Variants in NR2F1-AS1 observed in about 807,000 individuals in gnomAD.
NR2F1-AS1 encodes NR2F1 antisense RNA 1.
intron 1 of NR2F1-AS1, among the ~76,000 whole-genome samples, chr5:93,566,292 G>T (rs1419798601): frequency 6.6e-5 from 10 of 151,928 alleles, no homozygotes; most frequent in Admixed American, 6.6e-4. Flanking sequence ...AAAGCAAAGG[G>T]AAAGTATAAA....
At chr5:93,560,280 C>T (rs1221312740) in intron 2 of NR2F1-AS1, among the ~76,000 whole-genome samples, 1 of 152,138 alleles carries the variant, frequency 6.6e-6, no homozygotes, top group Non-Finnish European at 1.5e-5. Context: ...ATTAAGCAAG[C>T]TCATGTAAGA....
At chr5:93,534,603 CT>C (rs1561487583) in intron 4 of NR2F1-AS1, among the ~76,000 whole-genome samples, 1 of 152,108 alleles carries the variant, frequency 6.6e-6, no homozygotes, top group East Asian at 1.9e-4. Context: ...ATTTTCCTTA[CT>C]TAGTGTCCAT....
At chr5:93,578,310 T>A (rs1218677062) in intron 1 of NR2F1-AS1, among the ~76,000 whole-genome samples, 4 of 152,224 alleles carry the variant, frequency 2.6e-5, no homozygotes, top group African/African-American at 9.6e-5. Context: ...TGATTAACGC[T>A]GAGCTTGATG....
chr5:93,552,603 C>G (rs1049248468), intron 4 of NR2F1-AS1, among the ~76,000 whole-genome samples: 1 of 150,556 alleles, frequency 6.6e-6, no homozygotes, highest in Non-Finnish European at 1.5e-5. Flanking sequence ...AGCATCAGTC[C>G]TACAAATTTT....
chr5:93,549,802 A>G (rs1018866115), intron 4 of NR2F1-AS1, among the ~76,000 whole-genome samples: 1 of 152,308 alleles, frequency 6.6e-6, no homozygotes, highest in East Asian at 1.9e-4. Context: ...GGATGGGTTC[A>G]TGTCCTTTGC....
intron 4 of NR2F1-AS1, among the ~76,000 whole-genome samples, chr5:93,446,397 TAC>T (rs1749707887): frequency 6.6e-6 from 1 of 152,148 alleles, no homozygotes; most frequent in South Asian, 2.1e-4. Flanking sequence ...AGCATTCCTA[TAC>T]ACCAATAACA....
At chr5:93,563,592 C>T (rs900985231) in intron 1 of NR2F1-AS1, 15 of 152,036 alleles carry the variant, frequency 9.9e-5, no homozygotes, top group Non-Finnish European at 1.9e-4. Context: ...GAAGCTTTCC[C>T]AGACAGAAAT....
chr5:93,490,397 G>A (rs1750810001), intron 4 of NR2F1-AS1, among the ~76,000 whole-genome samples: 1 of 152,222 alleles, frequency 6.6e-6, no homozygotes, highest in Non-Finnish European at 1.5e-5. Context: ...AGAAGAAAGG[G>A]AGGTGGTAAT....
intron 4 of NR2F1-AS1, among the ~76,000 whole-genome samples, chr5:93,457,051 C>T (rs1282828496): frequency 6.6e-6 from 1 of 152,184 alleles, no homozygotes; most frequent in East Asian, 1.9e-4. Context: ...GGGTTTTACA[C>T]CCAGACATTC....
At chr5:93,457,075 C>G (rs567548530) in intron 4 of NR2F1-AS1, among the ~76,000 whole-genome samples, 11 of 152,124 alleles carry the variant, frequency 7.2e-5, no homozygotes, top group South Asian at 6.2e-4. Context: ...TGCCCAGGGA[C>G]GAGCAGGAGA....
intron 4 of NR2F1-AS1, among the ~76,000 whole-genome samples, chr5:93,434,500 A>C (rs1189485168): frequency 6.6e-6 from 1 of 151,992 alleles, no homozygotes; most frequent in Admixed American, 6.6e-5. Context: ...TTTTTCTCTA[A>C]ATTGTTTGAA....
intron 4 of NR2F1-AS1, among the ~76,000 whole-genome samples, chr5:93,504,155 C>T (rs1423635671): frequency 1.3e-5 from 2 of 152,096 alleles, no homozygotes; most frequent in Non-Finnish European, 2.9e-5. Flanking sequence ...CAAAAAATTA[C>T]AATTTGTTAT....
intron 4 of NR2F1-AS1, among the ~76,000 whole-genome samples, chr5:93,440,218 T>TCTCTCACA (rs1379862028): frequency 2.3e-4 from 35 of 149,044 alleles, no homozygotes; most frequent in African/African-American, 8.4e-4. Context: ...TCTCTCTCTC[T>TCTCTCACA]CACACACACA....
intron 4 of NR2F1-AS1, among the ~76,000 whole-genome samples, chr5:93,527,768 T>C (rs938866729): frequency 6.6e-6 from 1 of 152,174 alleles, no homozygotes; most frequent in African/African-American, 2.4e-5. Context: ...ATTTAATAAA[T>C]GGTGTTGGGA....
At chr5:93,462,085 G>A (rs1358187814) in intron 4 of NR2F1-AS1, among the ~76,000 whole-genome samples, 1 of 152,218 alleles carries the variant, frequency 6.6e-6, no homozygotes, top group African/African-American at 2.4e-5. Flanking sequence ...GTATGTATGT[G>A]TATATGTGAA....
chr5:93,455,814 A>G lies in NR2F1-AS1; in HGVS notation n.639-60272T>C, dbSNP rs181809000. On this transcript the variant is annotated intron_variant and non_coding_transcript_variant, in intron 4 of 5. Transcript: ENST00000660523. ...TTTAACTTATGAAAAAAATCAATGT[A>G]AAATTTACCATGTTAACTACACACA... is the stretch of plus-strand genomic sequence containing the variant. Among the ~76,000 whole-genome samples the G allele has an allele frequency of 1.3e-4, 20 of 151,294 alleles. No individual in the cohort carries two copies. The East Asian group carries it at 3.9e-3, about 29-fold the overall frequency.
At chr5:93,555,743 C>A (rs895251967) in intron 2 of NR2F1-AS1, among the ~76,000 whole-genome samples, 1 of 152,068 alleles carries the variant, frequency 6.6e-6, no homozygotes, top group Non-Finnish European at 1.5e-5. Flanking sequence ...AGTCTCAAAT[C>A]CAGGTACATA....
chr5:93,584,792 C>CGCA (rs1286143996), upstream of NR2F1-AS1: 1 of 153,614 alleles, frequency 6.5e-6, no homozygotes, highest in Non-Finnish European at 1.4e-5. Flanking sequence ...CGGGCGGGCG[C>CGCA]GCAGCAGCAG....
At chr5:93,570,717 T>C (rs1752736762) in intron 1 of NR2F1-AS1, 1 of 152,320 alleles carries the variant, frequency 6.6e-6, no homozygotes, top group African/African-American at 2.4e-5. Flanking sequence ...GCACGGCCTC[T>C]AGCCTTCCGC....
Sources: gnomAD v4.1 joint callset for allele counts (sites outside exome capture counted in the v4.1 genomes callset) on GRCh38, gnomAD v4.1.1 for gene constraint, MANE v1.5 for transcripts, NCBI Gene and HGNC (gene_info 2026-07-23, HGNC 2026-07-21) for gene names.